The following RIN3 variants were observed in gnomAD, a reference collection of about 807,000 sequenced individuals.
RIN3 encodes the protein RAB5 interacting protein 3.
In RIN3, 54 loss-of-function variants were observed where a neutral mutation model predicts 76.3. The observed-to-expected ratio is 0.71, with a 90% CI of 0.57 to 0.89. RIN3 has a LOEUF of 0.89. Among genes scored for constraint, RIN3 ranks in the 40% least tolerant of loss-of-function variants. The pLI is 0.00. For missense variants in RIN3, 1,256 were observed against 1,322.1 expected (o/e 0.95, Z 0.78); for synonymous variants, 576 against 564.0 (o/e 1.02, Z -0.30).
chr14:92,667,282 G>A (rs762449505), intron 7 of RIN3, among the ~76,000 whole-genome samples: 2 of 152,196 alleles, frequency 1.3e-5, no homozygotes, highest in Non-Finnish European at 2.9e-5. Context: ...GGAGGCCAAG[G>A]CGGGCGGATC....
chr14:92,603,634 C>T (rs78419544), intron 3 of RIN3, among the ~76,000 whole-genome samples: 2,758 of 152,298 alleles, frequency 0.018, 84 homozygotes, highest in African/African-American at 0.064. Context: ...TTGCCTGTGC[C>T]GTGTTGCGGT....
At chr14:92,554,138 C>G (rs1897513217) in intron 1 of RIN3, among the ~76,000 whole-genome samples, 1 of 152,132 alleles carries the variant, frequency 6.6e-6, no homozygotes, top group Admixed American at 6.5e-5. Flanking sequence ...AAGGTTTTCA[C>G]CCCTGCAGGT....
intron 3 of RIN3, among the ~76,000 whole-genome samples, chr14:92,599,249 G>GGC (rs10677254): frequency 0.31 from 46,616 of 151,796 alleles, 7,263 homozygotes; most frequent in East Asian, 0.47. Flanking sequence ...GCCCTTGGGG[G>GGC]TGTGAAGACT....
At chr14:92,626,097 G>A (rs2140114810) in intron 4 of RIN3, among the ~76,000 whole-genome samples, 1 of 152,254 alleles carries the variant, frequency 6.6e-6, no homozygotes, top group South Asian at 2.1e-4. Context: ...TATGTCAAAT[G>A]TTCGGGAAAG....
At chr14:92,575,197 T>C (rs184320107) in intron 2 of RIN3, among the ~76,000 whole-genome samples, 1 of 152,276 alleles carries the variant, frequency 6.6e-6, no homozygotes, top group Non-Finnish European at 1.5e-5. Flanking sequence ...GATACAGCAA[T>C]ATAGTAATAT....
intron 3 of RIN3, among the ~76,000 whole-genome samples, chr14:92,606,716 A>G (rs1239707772): frequency 6.6e-6 from 1 of 152,222 alleles, no homozygotes; most frequent in Admixed American, 6.5e-5. Flanking sequence ...GATACACTTC[A>G]CACCCACTAG....
intron 5 of RIN3, among the ~76,000 whole-genome samples, chr14:92,650,700 A>G (rs968396902): frequency 6.6e-6 from 1 of 152,216 alleles, no homozygotes; most frequent in African/African-American, 2.4e-5. Context: ...CCCAAGATGT[A>G]GCATCCCTGT....
chr14:92,558,276 G>A (rs1009999480), intron 2 of RIN3, among the ~76,000 whole-genome samples: 17 of 152,174 alleles, frequency 1.1e-4, no homozygotes, highest in Non-Finnish European at 2.1e-4. Context: ...TTGAACCGGG[G>A]AGGTGGAAGT....
chr14:92,525,926 C>CA (rs1457810022), intron 1 of RIN3, among the ~76,000 whole-genome samples: 1 of 152,116 alleles, frequency 6.6e-6, no homozygotes, highest in African/African-American at 2.4e-5. Context: ...GCATCCTGCT[C>CA]AGACTGGGGT....
At chr14:92,613,606 A>T (rs73330119) in intron 3 of RIN3, among the ~76,000 whole-genome samples, 16,940 of 152,220 alleles carry the variant, frequency 0.11, 1,067 homozygotes, top group Non-Finnish European at 0.14. Context: ...TGTGGAGTGC[A>T]GTCCTGGGCT....
In RIN3 at chr14:92,685,117, C is replaced by G; in HGVS notation, c.2598C>G (p.Leu866=). ...SIHRWERRRT[L]NKARASRSSV... ...ACCGCTGGGAGCGCCGGCGTACTCT[C>G]AACAAGGCCCGGGCCTCCCGCTCCT... Residue 866 remains leucine, a synonymous_variant, in exon 9 of 10, where the codon CTC becomes CTG. Transcript: ENST00000216487. The surrounding 1 kb of genome is among the most constrained non-coding windows in gnomAD (Gnocchi z 4.7). The G allele has an allele frequency of 6.2e-7, 1 of 1,613,246 alleles. No individual in the cohort carries two copies. Among genetic ancestry groups the G allele is most frequent in the Non-Finnish European group, 8.5e-7 (1 of 1,179,694 alleles).
chr14:92,555,668 C>A, intron 1 of RIN3, 83 bp from the exon 2 acceptor site: 1 of 1,299,242 alleles, frequency 7.7e-7, no homozygotes, highest in Non-Finnish European at 1.1e-6. Context: ...AATAAGTAAG[C>A]GTGGCTGAAT....
At chr14:92,610,894 G>T (rs1273181487) in intron 3 of RIN3, among the ~76,000 whole-genome samples, 1 of 152,184 alleles carries the variant, frequency 6.6e-6, no homozygotes, top group African/African-American at 2.4e-5. Flanking sequence ...TGTGTAAAAT[G>T]ACAGTTTAGT....
intron 3 of RIN3, among the ~76,000 whole-genome samples, chr14:92,582,779 C>T (rs984788491): frequency 1.3e-5 from 2 of 152,150 alleles, no homozygotes; most frequent in African/African-American, 4.8e-5. Flanking sequence ...TACTCCATTG[C>T]TCTCCAAACC....
intron 1 of RIN3, among the ~76,000 whole-genome samples, chr14:92,543,093 C>A (rs894505098): frequency 1.3e-5 from 2 of 152,224 alleles, no homozygotes; most frequent in African/African-American, 4.8e-5. Flanking sequence ...AAACGAACCA[C>A]CCTATCTGGA....
chr14:92,676,063 G>A (rs896566134), intron 7 of RIN3, among the ~76,000 whole-genome samples: 3 of 151,992 alleles, frequency 2.0e-5, no homozygotes, highest in Admixed American at 6.6e-5. Context: ...TTTCTGTTTC[G>A]CAGGTGGGAG....
chr14:92,534,079 T>C (rs530466443), intron 1 of RIN3, among the ~76,000 whole-genome samples: 2 of 152,086 alleles, frequency 1.3e-5, no homozygotes, highest in Non-Finnish European at 2.9e-5. Flanking sequence ...TGGACTTCTT[T>C]TATATATATT....
intron 4 of RIN3, among the ~76,000 whole-genome samples, chr14:92,619,662 C>T (rs1285805523): frequency 6.6e-6 from 1 of 152,164 alleles, no homozygotes; most frequent in South Asian, 2.1e-4. Flanking sequence ...CTCCTGACCT[C>T]GTGATCTGCC....
chr14:92,527,371 G>C (rs879136148), intron 1 of RIN3, among the ~76,000 whole-genome samples: 2 of 151,996 alleles, frequency 1.3e-5, no homozygotes, highest in African/African-American at 4.8e-5. Flanking sequence ...TTTCTTATAA[G>C]GACATCAGTC....
Sources: gnomAD v4.1 joint callset for allele counts (sites outside exome capture counted in the v4.1 genomes callset) on GRCh38, gnomAD v4.1.1 for gene constraint, Gnocchi (gnomAD v3.1) non-coding constraint, MANE v1.5 for transcripts, NCBI Gene and HGNC (gene_info 2026-07-23, HGNC 2026-07-21) for gene names.